The following UGT1A8 variants were observed in gnomAD, a reference collection of about 807,000 sequenced individuals.
UGT1A8 encodes UDP glucuronosyltransferase family 1 member A8.
In UGT1A8, 39 loss-of-function variants were observed where a neutral mutation model predicts 45.3. That is an observed-to-expected ratio of 0.86 (90% CI 0.67 to 1.12). The LOEUF (loss-of-function observed/expected upper bound fraction) is 1.12. Among genes scored for constraint, UGT1A8 ranks in the 50% most tolerant of loss-of-function variants. UGT1A8 has a pLI of 0.00. For synonymous variants in UGT1A8, 275 were observed against 249.2 expected (o/e 1.10, Z -0.97); for missense variants, 719 against 664.9 (o/e 1.08, Z -0.90).
intron 1 of UGT1A8, among the ~76,000 whole-genome samples, chr2:233,704,256 C>CTTTTTTTTT (rs59925871): frequency 4.0e-5 from 5 of 123,674 alleles, no homozygotes; most frequent in African/African-American, 6.5e-5. Flanking sequence ...GCCTTTATTG[C>CTTTTTTTTT]TTTTTTTTTT....
chr2:233,645,928 A>T (rs2073590942), intron 1 of UGT1A8, among the ~76,000 whole-genome samples: 1 of 152,116 alleles, frequency 6.6e-6, no homozygotes, highest in Non-Finnish European at 1.5e-5. Context: ...TCAACCCCAA[A>T]TTTCCCTTCT....
chr2:233,729,131 C>T, intron 1 of UGT1A8: 1 of 1,613,182 alleles, frequency 6.2e-7, no homozygotes, highest in Non-Finnish European at 8.5e-7. Flanking sequence ...GCTGAGATGG[C>T]CACAGGACTC....
At position 233,622,211 on chromosome 2, in the gene UGT1A8, A is replaced by T. The variant is rs553616899; in HGVS notation, c.855+3649A>T. On this transcript the variant is annotated intron_variant, in intron 1 of 4. Transcript: ENST00000373450. ...AACATACGTGTGCATGTGTCTTTAT[A>T]GTACCATGATTTATAATTCTTTGGG... is the stretch of plus-strand genomic sequence containing the variant. Among the ~76,000 whole-genome samples the T allele has an allele frequency of 2.2e-3, 334 of 152,264 alleles. 3 individuals are homozygous for T. Among genetic ancestry groups the T allele is most frequent in the African/African-American group, 7.7e-3 (321 of 41,566 alleles).
chr2:233,733,086 T>G (rs2078354195), intron 1 of UGT1A8, among the ~76,000 whole-genome samples: 1 of 152,184 alleles, frequency 6.6e-6, no homozygotes, highest in Admixed American at 6.5e-5. Flanking sequence ...TGAATGGGAG[T>G]TCACTCATGG....
intron 1 of UGT1A8, among the ~76,000 whole-genome samples, chr2:233,674,469 G>A (rs2074285950): frequency 2.0e-5 from 3 of 152,044 alleles, no homozygotes; most frequent in South Asian, 4.2e-4. Context: ...TTTGGCTGAG[G>A]GTAAGGCCCT....
intron 1 of UGT1A8, among the ~76,000 whole-genome samples, chr2:233,632,648 A>G (rs2073212043): frequency 6.6e-6 from 1 of 152,276 alleles, no homozygotes; most frequent in Non-Finnish European, 1.5e-5. Flanking sequence ...TTATTGGTGT[A>G]TAGGAATGCT....
At chr2:233,764,627 A>C (rs2126011336) in intron 1 of UGT1A8, among the ~76,000 whole-genome samples, 1 of 152,212 alleles carries the variant, frequency 6.6e-6, no homozygotes, top group South Asian at 2.1e-4. Flanking sequence ...CATGAAGAGC[A>C]AAGGTCCTAG....
chr2:233,636,751 T>C (rs759958389), intron 1 of UGT1A8: 2 of 1,614,190 alleles, frequency 1.2e-6, no homozygotes, highest in South Asian at 2.2e-5. Flanking sequence ...AGTGAAGACT[T>C]ACTCAACCTC....
At chr2:233,681,513 A>G (rs892395680) in intron 1 of UGT1A8, among the ~76,000 whole-genome samples, 9 of 143,996 alleles carry the variant, frequency 6.3e-5, no homozygotes, top group African/African-American at 2.1e-4. Flanking sequence ...CCTGGATGAC[A>G]CAGTGAGACT....
At position 233,772,696 on chromosome 2, in the gene UGT1A8, TA is replaced by T. The variant is rs1170923656; in HGVS notation, c.*143del. On this transcript the variant is annotated 3_prime_UTR_variant, in exon 5 of 5. Transcript: ENST00000373450. Reference sequence around the variant, plus strand: ...TAAATTAATCAGCCCCAGAGTGCTTTAAAAAATTCTCTTAAATAAAAATAAT... The same window carrying T: ...TAAATTAATCAGCCCCAGAGTGCTTTAAAAATTCTCTTAAATAAAAATAAT... 2 of 1,482,484 alleles carry T rather than the reference TA, an allele frequency of 1.3e-6. No homozygotes were observed. The highest frequency in any genetic ancestry group is 1.8e-6 in the Non-Finnish European group (2 of 1,123,730). 91.8% of individuals were successfully genotyped at this position (1,482,484 alleles called of 1,614,324 possible).
At chr2:233,743,680 G>T in intron 1 of UGT1A8, 1 of 1,367,218 alleles carries the variant, frequency 7.3e-7, no homozygotes, top group South Asian at 1.1e-5. Context: ...AGGGCCTGCC[G>T]CCTGTGCAGC....
In UGT1A8 at chr2:233,617,794, G is replaced by A. The variant is rs375473376; in HGVS notation, c.87G>A (p.Leu29=). 6.2e-7 allele frequency: 1 copy of A among 1,614,062 alleles called. No individual in the cohort carries two copies. The highest frequency in any genetic ancestry group is 8.5e-7 in the Non-Finnish European group (1 of 1,179,992). ...TCGFAEAGKL[L]VVPMDGSHWF... Reference sequence around the variant, plus strand: ...GCTTTGCTGAGGCAGGGAAGCTGCTGGTAGTGCCCATGGATGGGAGTCACT... The same window carrying A: ...GCTTTGCTGAGGCAGGGAAGCTGCTAGTAGTGCCCATGGATGGGAGTCACT... Residue 29 remains leucine (L), a synonymous_variant, in exon 1 of 5, where the codon CTG becomes CTA. Transcript: ENST00000373450.
In UGT1A8 at chr2:233,733,915, C is replaced by T. The variant is rs114264669; in HGVS notation, c.856-33119C>T. On this transcript the variant is annotated intron_variant, in intron 1 of 4. Coordinates refer to ENST00000373450, the MANE Select transcript of UGT1A8 (RefSeq NM_019076.5). ...CTGTTTGTACCTCTCTGGTAGAATT[C>T]GGCTGTGAGGAAGGGGAACATCACA... is the stretch of plus-strand genomic sequence containing the variant. Among the ~76,000 whole-genome samples, 1,498 of 151,134 alleles carry T rather than the reference C, an allele frequency of 9.9e-3. 23 individuals are homozygous for T. The highest frequency in any genetic ancestry group is 0.035 in the African/African-American group (1,427 of 41,026).
At chr2:233,761,616 T>C (rs1314305067) in intron 1 of UGT1A8, among the ~76,000 whole-genome samples, 1 of 152,246 alleles carries the variant, frequency 6.6e-6, no homozygotes, top group East Asian at 1.9e-4. Flanking sequence ...AATATTCTGA[T>C]AAGAAGCTAA....
chr2:233,699,621 C>A (rs1403049874), intron 1 of UGT1A8, among the ~76,000 whole-genome samples: 1 of 152,202 alleles, frequency 6.6e-6, no homozygotes, highest in Non-Finnish European at 1.5e-5. Context: ...GAATAGAATG[C>A]AAGCTCAGGC....
chr2:233,695,126 T>TTTTG (rs1559347637), intron 1 of UGT1A8, among the ~76,000 whole-genome samples: 1 of 107,354 alleles, frequency 9.3e-6, no homozygotes, highest in Non-Finnish European at 1.9e-5. Flanking sequence ...AACCCTTTTC[T>TTTTG]TTTCTTTTTT....
At chr2:233,754,136 G>C in intron 1 of UGT1A8, among the ~76,000 whole-genome samples, 1 of 152,154 alleles carries the variant, frequency 6.6e-6, no homozygotes, top group Non-Finnish European at 1.5e-5. Flanking sequence ...GCAATTAAAA[G>C]CCATCATTAA....
At position 233,743,837 on chromosome 2, in the gene UGT1A8, G is replaced by A. The variant is rs371252305; in HGVS notation, c.856-23197G>A. On this transcript the variant is annotated intron_variant, in intron 1 of 4. Coordinates refer to ENST00000373450, the MANE Select transcript of UGT1A8 (RefSeq NM_019076.5). Reference sequence around the variant, plus strand: ...GTTTTTGTCGGGGTGCCACTTGAGCGCCAGCTTGCGGTACGCCTTCTTGAT... The same window carrying A: ...GTTTTTGTCGGGGTGCCACTTGAGCACCAGCTTGCGGTACGCCTTCTTGAT... 45 of 1,367,128 alleles carry A rather than the reference G, an allele frequency of 3.3e-5. No homozygotes were observed. The African/African-American group carries it at 3.6e-4, about 11-fold the overall frequency. 84.7% of individuals were successfully genotyped at this position (1,367,128 alleles called of 1,614,324 possible). A position where few individuals can be genotyped will look rare whatever the true frequency, so the allele number is the denominator to read the frequency against.
At chr2:233,744,071 C>T (rs17864701) in intron 1 of UGT1A8, 146,390 of 490,018 alleles carry the variant, frequency 0.3, 23,171 homozygotes, top group South Asian at 0.39. Context: ...CTATGAGCGC[C>T]TCGCATCCCA....
Sources: allele counts gnomAD v4.1 joint callset (sites outside exome capture counted in the v4.1 genomes callset), GRCh38; gene constraint gnomAD v4.1.1; transcripts MANE v1.5; gene names NCBI Gene and HGNC (gene_info 2026-07-23, HGNC 2026-07-21).